The following JAK1 variants were observed in gnomAD, a reference collection of about 807,000 sequenced individuals.
JAK1 encodes the protein tyrosine-protein kinase JAK1.
Under a neutral mutation model 136.6 loss-of-function variants are expected in JAK1, and 16 were observed. The ratio of observed to expected loss-of-function variants is 0.12; its 90% CI spans 0.08 to 0.18. The LOEUF is 0.18. Ranked by LOEUF, JAK1 falls within the 10% of genes least tolerant of loss-of-function variation. The pLI is 1.00. For synonymous variants in JAK1, 492 were observed against 519.5 expected, an observed-to-expected ratio of 0.95 and a Z score of 0.72; for missense variants, 859 against 1,450.1, an observed-to-expected ratio of 0.59 and a Z score of 6.62.
chr1:64,963,683 C>T (rs1193768087), intron 1 of JAK1, among the ~76,000 whole-genome samples: 3 of 152,082 alleles, frequency 2.0e-5, no homozygotes, highest in African/African-American at 4.8e-5. Context: ...CAAAACTCTG[C>T]GAGATGACCA....
At chr1:64,928,785 A>AAAAAAAAAAAAC (rs1645630161) in intron 1 of JAK1, among the ~76,000 whole-genome samples, 3 of 121,004 alleles carry the variant, frequency 2.5e-5, no homozygotes, top group Non-Finnish European at 4.6e-5. Flanking sequence ...CTGCAAAAAA[A>AAAAAAAAAAAAC]AAAAAAAAAA....
chr1:64,869,293 G>A lies in JAK1; in HGVS notation c.647+18C>T, dbSNP rs755415531. ...CACCATCCTCACAATCAATTCTTCAGCCAGTGGGAAGCTTTACCTGATGTC... is the reference window on the plus strand; with the variant it reads ...CACCATCCTCACAATCAATTCTTCAACCAGTGGGAAGCTTTACCTGATGTC... On this transcript the variant is annotated intron_variant, in intron 6 of 24. Transcript: ENST00000342505. The A allele has an allele frequency of 1.9e-6, 3 of 1,609,114 alleles. No homozygotes were observed. Among genetic ancestry groups the A allele is most frequent in the Non-Finnish European group, 2.6e-6 (3 of 1,176,300 alleles).
chr1:64,838,952 T>A (rs191553236), intron 20 of JAK1, among the ~76,000 whole-genome samples: 8,936 of 151,532 alleles, frequency 0.059, 485 homozygotes, highest in African/African-American at 0.15. Flanking sequence ...GAGACCATCC[T>A]GGCTAACACG....
Position 64,984,620 on chromosome 1 carries a change from T to A in JAK1, c.-78+59860A>T. 2.2e-6 allele frequency: 1 copy of A among 449,982 alleles called. No homozygotes were observed. The highest frequency in any genetic ancestry group is 4.3e-6 in the Non-Finnish European group (1 of 234,300). The allele number at this position is 449,982 out of a possible 1,614,324, so 27.9% of individuals were successfully genotyped here. A position where few individuals can be genotyped will look rare whatever the true frequency, so the allele number is the denominator to read the frequency against. On this transcript the variant is annotated intron_variant, in intron 2 of 25. Transcript: ENST00000671954. The surrounding 1 kb of genome is among the most constrained non-coding windows in gnomAD (Gnocchi z 4.1). ...GGAGGCATGATTTAGACATTGGTGG[T>A]GGTCTCCTTAGCAGGCTGGATACTG...
At chr1:64,951,834 AT>A (rs1399630915) in intron 1 of JAK1, among the ~76,000 whole-genome samples, 12 of 151,626 alleles carry the variant, frequency 7.9e-5, no homozygotes, top group Non-Finnish European at 1.0e-4. Context: ...AATTTTTTGT[AT>A]TTTTAGTAGA....
At chr1:64,869,558 G>T in intron 5 of JAK1, 84 bp from the exon 6 acceptor site, 1 of 1,044,710 alleles carries the variant, frequency 9.6e-7, no homozygotes, top group African/African-American at 1.6e-5. Flanking sequence ...GGGCCGCCTA[G>T]AAACGCAGCA....
chr1:64,985,669 C>A (rs1037101796), intron 2 of JAK1: 2 of 724,250 alleles, frequency 2.8e-6, no homozygotes, highest in South Asian at 1.5e-5. Flanking sequence ...GAGATGTCTC[C>A]GATGTACGTG....
intron 5 of JAK1, among the ~76,000 whole-genome samples, chr1:64,870,322 AT>A (rs1267197973): frequency 6.6e-6 from 1 of 152,186 alleles, no homozygotes; most frequent in East Asian, 1.9e-4. Context: ...TTTGGTAATT[AT>A]TGAGAACTAA....
chr1:64,976,120 T>A (rs1646495830), intron 2 of JAK1, among the ~76,000 whole-genome samples: 1 of 152,156 alleles, frequency 6.6e-6, no homozygotes. Flanking sequence ...TGATCCTAGA[T>A]CCATTTATTC....
chr1:64,835,760 T>C (rs1002224939), intron 23 of JAK1, among the ~76,000 whole-genome samples: 2 of 152,086 alleles, frequency 1.3e-5, no homozygotes, highest in Admixed American at 6.5e-5. Flanking sequence ...AAGAAAATGA[T>C]CTGATTTAGG....
chr1:65,065,165 A>C (rs1185389997), intron 1 of JAK1, among the ~76,000 whole-genome samples: 1 of 152,104 alleles, frequency 6.6e-6, no homozygotes, highest in Non-Finnish European at 1.5e-5. Flanking sequence ...TCTGAAGCTA[A>C]AGTTGGAAGG....
At position 65,038,993 on chromosome 1, in the gene JAK1, C is replaced by T. The variant is rs547976130; in HGVS notation, c.-78+5487G>A. On this transcript the variant is annotated intron_variant, in intron 2 of 25. Transcript: ENST00000671954. ...GTGTGTTTGTGTAGAGACAGGATCT[C>T]GCTATGCTGCCTAGGTTGGTCTCAA... Among the ~76,000 whole-genome samples the T allele has an allele frequency of 1.0e-4, 15 of 148,140 alleles. No homozygotes were observed. The South Asian group carries it at 3.2e-3, about 32-fold the overall frequency.
rs74080206 is a variant in JAK1, at chr1:64,935,762, G to A, written c.-78+30571C>T. On this transcript the variant is annotated intron_variant, in intron 1 of 24. Coordinates refer to ENST00000342505, the MANE Select transcript of JAK1 (RefSeq NM_002227.4). Reference sequence around the variant, plus strand: ...CCACAGAACTGCTTGCAACGCTGACGGGTCATCTCTGATGCTAAGGGAGAA... The same window carrying A: ...CCACAGAACTGCTTGCAACGCTGACAGGTCATCTCTGATGCTAAGGGAGAA... Among the ~76,000 whole-genome samples, 768 of 152,278 alleles carry A rather than the reference G, an allele frequency of 5.0e-3. 3 individuals carry two copies. The highest frequency in any genetic ancestry group is 0.016 in the African/African-American group (647 of 41,556).
At position 64,923,472 on chromosome 1, in the gene JAK1, C is replaced by T. The variant is rs190852257; in HGVS notation, c.-77-37131G>A. Reference sequence around the variant, plus strand: ...AGATAATTTTAGCTTATTAAACACACATTTTTTAACACTCCAAAACCACTT... The same window carrying T: ...AGATAATTTTAGCTTATTAAACACATATTTTTTAACACTCCAAAACCACTT... On this transcript the variant is annotated intron_variant, in intron 1 of 24. Coordinates refer to ENST00000342505, the MANE Select transcript of JAK1 (RefSeq NM_002227.4). Among the ~76,000 whole-genome samples, 177 of 152,280 alleles carry T rather than the reference C, an allele frequency of 1.2e-3. 2 individuals are homozygous for T. The highest frequency in any genetic ancestry group is 2.1e-4 in the Non-Finnish European group (14 of 68,016).
chr1:65,063,483 A>G (rs1167346871), intron 1 of JAK1, among the ~76,000 whole-genome samples: 1 of 152,180 alleles, frequency 6.6e-6, no homozygotes, highest in East Asian at 1.9e-4. Flanking sequence ...TGAAATAACA[A>G]TATTTCATAC....
intron 1 of JAK1, chr1:64,941,904 C>CAGAGAAAGCCCT (rs1482465531): frequency 6.6e-6 from 1 of 152,098 alleles, no homozygotes; most frequent in Non-Finnish European, 1.5e-5. Flanking sequence ...TACAGATCCC[C>CAGAGAAAGCCCT]AGAGAAAGCC....
intron 3 of JAK1, among the ~76,000 whole-genome samples, chr1:64,881,094 C>T (rs1644765673): frequency 1.3e-5 from 2 of 151,784 alleles, no homozygotes; most frequent in South Asian, 4.2e-4. Context: ...CATATCAAGA[C>T]CTCCATAAAT....
chr1:65,047,667 C>G (rs1647198182), intron 1 of JAK1, among the ~76,000 whole-genome samples: 1 of 151,288 alleles, frequency 6.6e-6, no homozygotes, highest in African/African-American at 2.4e-5. Flanking sequence ...TGCAGTGCGC[C>G]GAGATCACGC....
intron 2 of JAK1, among the ~76,000 whole-genome samples, chr1:64,988,735 A>C (rs1300006372): frequency 6.6e-6 from 1 of 151,662 alleles, no homozygotes; most frequent in Non-Finnish European, 1.5e-5. Context: ...ATAAAAAAAT[A>C]AAAATCAGCC....
Sources: gnomAD v4.1 joint callset for allele counts (sites outside exome capture counted in the v4.1 genomes callset) on GRCh38, gnomAD v4.1.1 for gene constraint, Gnocchi (gnomAD v3.1) non-coding constraint, MANE v1.5 for transcripts, NCBI Gene and HGNC (gene_info 2026-07-23, HGNC 2026-07-21) for gene names.